The following MROH1 variants were observed in gnomAD, a reference collection of about 807,000 sequenced individuals.
MROH1 encodes maestro heat-like repeat-containing protein family member 1.
A neutral mutation model predicts 116.5 loss-of-function variants in MROH1; 117 were observed. The observed-to-expected ratio is 1.00, with a 90% CI of 0.86 to 1.17. The LOEUF (loss-of-function observed/expected upper bound fraction) is 1.17. Ranked by LOEUF, MROH1 falls within the 50% of genes most tolerant of loss-of-function variation. The pLI is 0.00. For synonymous variants in MROH1, 921 were observed against 583.9 expected (o/e 1.58, Z -8.32); for missense variants, 1,873 against 1,338.5 (o/e 1.40, Z -6.23).
chr8:144,175,150 G>T (rs1823491427), intron 4 of MROH1: 2 of 985,214 alleles, frequency 2.0e-6, no homozygotes, highest in South Asian at 9.4e-5. Context: ...GGGTATTAAT[G>T]CCCTGCTGCA....
chr8:144,152,555 A>ATTATTATTATTAT (rs1369841266), intron 1 of MROH1, among the ~76,000 whole-genome samples: 10 of 130,528 alleles, frequency 7.7e-5, no homozygotes, highest in African/African-American at 2.8e-4. Flanking sequence ...TATTATTATT[A>ATTATTATTATTAT]TTTTTTTTTT....
At chr8:144,195,725 G>A (rs1043234513) in intron 10 of MROH1, among the ~76,000 whole-genome samples, 1 of 151,752 alleles carries the variant, frequency 6.6e-6, no homozygotes. Flanking sequence ...TCATTCTTGA[G>A]ACAGGGTCTC....
rs1698222948 is a variant in MROH1 at position 144,247,549 on chromosome 8, A to C, written c.3008-18A>C. The C allele has an allele frequency of 2.6e-6, 2 of 769,452 alleles. No individual in the cohort carries two copies. The highest frequency in any genetic ancestry group is 2.7e-5 in the South Asian group (2 of 72,744). The allele number at this position is 769,452 out of a possible 1,614,324, so 47.7% of individuals were successfully genotyped here. On this transcript the variant is annotated intron_variant, in intron 30 of 43. Transcript: ENST00000326134. Reference sequence around the variant, plus strand: ...AGGGAGGGCCTGGGCCCGACTGCTCATTCCTGCCGCCTCTCAGGCTTCTCC... The same window carrying C: ...AGGGAGGGCCTGGGCCCGACTGCTCCTTCCTGCCGCCTCTCAGGCTTCTCC...
intron 14 of MROH1, among the ~76,000 whole-genome samples, chr8:144,234,420 C>T (rs1173786107): frequency 2.7e-5 from 4 of 146,474 alleles, no homozygotes; most frequent in East Asian, 2.0e-4. Flanking sequence ...ACGTTTTGCA[C>T]GTTTTTCGTT....
Position 144,258,789 on chromosome 8 carries a change from C to T in MROH1, c.3804C>T (p.Asp1268=). The part of the protein sequence containing the change: ...RNLEPCSSAV[D]TLRSMLLRSG... Reference sequence around the variant, plus strand: ...GGCAATCCTGCAGCTCTGCAGTGGACACCCTGCGGTCCATGCTACTCCGCA... The same window carrying T: ...GGCAATCCTGCAGCTCTGCAGTGGATACCCTGCGGTCCATGCTACTCCGCA... The change falls in exon 36 of 44, where the codon GAC becomes GAT. Residue 1268 remains aspartate (D), a synonymous_variant. Transcript: ENST00000326134. 4 of 767,972 alleles carry T rather than the reference C, an allele frequency of 5.2e-6. No individual in the cohort carries two copies. In the South Asian group the frequency reaches 5.5e-5, roughly 11 times the overall value. 47.6% of individuals were successfully genotyped at this position (767,972 alleles called of 1,614,324 possible). A position where few individuals can be genotyped will look rare whatever the true frequency, so the allele number is the denominator to read the frequency against.
rs1840715827 is a variant in MROH1, at chr8:144,240,108, A to G, written c.1782A>G (p.Thr594=). The change falls in exon 19 of 44, where the codon ACA becomes ACG. Residue 594 remains threonine, a synonymous_variant. Coordinates refer to ENST00000326134, the MANE Select transcript of MROH1 (RefSeq NM_032450.3). ...PLLLGYLDEH[T]EETLPQEEWE... The stretch of plus-strand genomic sequence containing the variant: ...GCGCGGCTGTCGTTTCAGAGCACAC[A>G]GAAGAGACCCTGCCACAGGAGGAGT... 2 of 778,574 alleles carry G rather than the reference A, an allele frequency of 2.6e-6. No homozygotes were observed. Among genetic ancestry groups the G allele is most frequent in the South Asian group, 1.3e-5 (1 of 74,172 alleles). 48.2% of individuals were successfully genotyped at this position (778,574 alleles called of 1,614,324 possible).
intron 14 of MROH1, among the ~76,000 whole-genome samples, chr8:144,237,362 T>A (rs1369060512): frequency 3.9e-5 from 6 of 152,250 alleles, no homozygotes; most frequent in African/African-American, 1.4e-4. Flanking sequence ...CAGGCCCCTG[T>A]CCTGAGGCCC....
At chr8:144,238,258 T>C (rs888008184) in intron 14 of MROH1, among the ~76,000 whole-genome samples, 4 of 152,086 alleles carry the variant, frequency 2.6e-5, no homozygotes, top group Non-Finnish European at 5.9e-5. Flanking sequence ...TATGCCGCTT[T>C]GTGGTTGAGC....
chr8:144,178,202 C>T (rs773371831), intron 4 of MROH1, among the ~76,000 whole-genome samples: 2 of 150,790 alleles, frequency 1.3e-5, no homozygotes, highest in Non-Finnish European at 2.9e-5. Flanking sequence ...GGCGCGATCT[C>T]GGCTCTGCAA....
At chr8:144,229,187 A>G (rs1487727115) in intron 14 of MROH1, among the ~76,000 whole-genome samples, 1 of 152,150 alleles carries the variant, frequency 6.6e-6, no homozygotes, top group Non-Finnish European at 1.5e-5. Context: ...TGTCAAAGTT[A>G]TCCATGAGGT....
At position 144,180,140 on chromosome 8, in the gene MROH1, C is replaced by T; in HGVS notation, c.301-38C>T. ...GCGACTGAGGGCAGAATGTCTTGGT[C>T]TTGCCTTTTGGTCTACCTGCCGGTG... is the stretch of plus-strand genomic sequence containing the variant. On this transcript the variant is annotated intron_variant, in intron 5 of 43. Coordinates refer to ENST00000326134, the MANE Select transcript of MROH1 (RefSeq NM_032450.3). This position sits in a 1 kb window ranked among gnomAD's most constrained non-coding sequence, Gnocchi z 7.4. 1.2e-6 allele frequency: 2 copies of T among 1,611,816 alleles called. No homozygotes were observed. Among genetic ancestry groups the T allele is most frequent in the Non-Finnish European group, 1.7e-6 (2 of 1,178,496 alleles).
rs979184316 is a variant in MROH1, at chr8:144,260,674, C to T, written c.4381-3C>T. The T allele has an allele frequency of 5.8e-4, 452 of 778,918 alleles. 9 individuals carry two copies. In the South Asian group the frequency reaches 6.0e-3, roughly 10 times the overall value. 48.3% of individuals were successfully genotyped at this position (778,918 alleles called of 1,614,324 possible). ...GGAGACGTATGCTGCATGTCCTTCC[C>T]AGGAGAAGATGGAGTTCCGGACGGC... On this transcript the variant is annotated splice_region_variant and splice_polypyrimidine_tract_variant and intron_variant, in intron 39 of 43. Coordinates refer to ENST00000326134, the MANE Select transcript of MROH1 (RefSeq NM_032450.3).
intron 2 of MROH1, among the ~76,000 whole-genome samples, chr8:144,161,894 C>G (rs930067329): frequency 6.6e-6 from 1 of 152,144 alleles, no homozygotes; most frequent in African/African-American, 2.4e-5. Flanking sequence ...TCTCCGCCTC[C>G]CAGCTCAGCT....
intron 1 of MROH1, among the ~76,000 whole-genome samples, 170 bp downstream of exon 1, chr8:144,148,246 C>T (rs960384277): frequency 6.6e-6 from 1 of 152,224 alleles, no homozygotes; most frequent in South Asian, 2.1e-4. Flanking sequence ...CTGGGTGTCG[C>T]GGGGACCTCG....
At chr8:144,214,559 G>C (rs1422206248) in intron 12 of MROH1, 1 of 150,962 alleles carries the variant, frequency 6.6e-6, no homozygotes, top group Non-Finnish European at 1.5e-5. Context: ...GTGCTTTTTA[G>C]TTTGTTTGTT....
chr8:144,186,119 A>AG (rs1223385974), intron 7 of MROH1, among the ~76,000 whole-genome samples: 1 of 71,832 alleles, frequency 1.4e-5, no homozygotes, highest in Non-Finnish European at 3.4e-5. Flanking sequence ...GACAGTTTCC[A>AG]ATTTTTTTTT....
rs1285955954 is a variant in MROH1 at position 144,182,664 on chromosome 8, T to TAGA, written c.562+2141_562+2142insAGA. 6.6e-6 allele frequency among the ~76,000 whole-genome samples: 1 copy of TAGA among 151,524 alleles called. No individual in the cohort carries two copies. Among genetic ancestry groups the TAGA allele is most frequent in the Non-Finnish European group, 1.5e-5 (1 of 67,914 alleles). Reference sequence around the variant, plus strand: ...AAAATAGAGGAAAAAGGCAAAAATATGGAAAGTAGGAGAGAAAGAGAAGAA... The same window carrying TAGA: ...AAAATAGAGGAAAAAGGCAAAAATATAGAGGAAAGTAGGAGAGAAAGAGAAGAA... On this transcript the variant is annotated intron_variant, in intron 7 of 43. Coordinates refer to ENST00000326134, the MANE Select transcript of MROH1 (RefSeq NM_032450.3). This position sits in a 1 kb window ranked among gnomAD's most constrained non-coding sequence, Gnocchi z 4.1.
intron 3 of MROH1, among the ~76,000 whole-genome samples, chr8:144,166,756 C>G (rs1490616570): frequency 6.6e-6 from 1 of 151,884 alleles, no homozygotes; most frequent in Admixed American, 6.6e-5. Context: ...GAGGTGGGGT[C>G]GAGGGAGGGG....
rs958517488 is a variant in MROH1 at position 144,245,488 on chromosome 8, C to T, written c.2871+228C>T. ...ACTGTTAGCCGGAAGGAACATGCAC[C>T]TCTGGTCTCCAGGGCTTCACTGTTG... On this transcript the variant is annotated intron_variant, in intron 29 of 43. Coordinates refer to ENST00000326134, the MANE Select transcript of MROH1 (RefSeq NM_032450.3). 4.7e-3 allele frequency among the ~76,000 whole-genome samples: 712 copies of T among 152,364 alleles called. 6 individuals carry two copies. The highest frequency in any genetic ancestry group is 0.016 in the African/African-American group (671 of 41,582).
Sources: gnomAD v4.1 joint callset for allele counts (sites outside exome capture counted in the v4.1 genomes callset) on GRCh38, gnomAD v4.1.1 for gene constraint, Gnocchi (gnomAD v3.1) non-coding constraint, MANE v1.5 for transcripts, NCBI Gene and HGNC (gene_info 2026-07-23, HGNC 2026-07-21) for gene names.